DYNC2I1: variants seen among roughly 807,000 people sequenced by gnomAD.
The protein encoded by DYNC2I1 is dynein 2 intermediate chain 1.
A neutral mutation model predicts 133.4 loss-of-function variants in DYNC2I1; 89 were observed. That is an observed-to-expected ratio of 0.67 (90% CI 0.56 to 0.80). The LOEUF (loss-of-function observed/expected upper bound fraction) is 0.80. DYNC2I1 is among the 30% of genes least tolerant of loss of function. The probability of loss-of-function intolerance (pLI) is 0.00; values close to 1 mark genes in which losing one functional copy is unlikely to be tolerated. For synonymous variants in DYNC2I1, 504 were observed against 484.3 expected, an observed-to-expected ratio of 1.04 and a Z score of -0.54; for missense variants, 1,291 against 1,314.5, an observed-to-expected ratio of 0.98 and a Z score of 0.28.
the DYNC2I1 span, among the ~76,000 whole-genome samples, chr7:158,845,381 A>G: frequency 6.6e-6 from 1 of 152,200 alleles, no homozygotes; most frequent in Non-Finnish European, 1.5e-5. Flanking sequence ...TGGCTTTAAA[A>G]TTATTGGTAA....
Position 158,911,682 on chromosome 7 carries a change from A to G in DYNC2I1, c.1590+3A>G. On this transcript the variant is annotated splice_donor_region_variant and intron_variant, in intron 12 of 24. Coordinates refer to ENST00000407559, the MANE Select transcript of DYNC2I1 (RefSeq NM_018051.5). ...TTGGGAAAAAAAATACCAAGCAGGT[A>G]AGTATGAGATGTGTTAACTAAGTGA... 1 of 1,609,330 alleles carries G rather than the reference A, an allele frequency of 6.2e-7. No individual in the cohort carries two copies. The highest frequency in any genetic ancestry group is 8.5e-7 in the Non-Finnish European group (1 of 1,178,490).
intron 8 of DYNC2I1, among the ~76,000 whole-genome samples, chr7:158,895,947 C>T (rs925878320): frequency 2.0e-5 from 3 of 152,108 alleles, no homozygotes; most frequent in South Asian, 2.1e-4. Context: ...TATAGGAAAG[C>T]GACTGACTTT....
At chr7:158,949,288 A>G (rs1278035589), downstream of DYNC2I1, among the ~76,000 whole-genome samples, 1 of 152,288 alleles carries the variant, frequency 6.6e-6, no homozygotes, top group African/African-American at 2.4e-5. Context: ...ATGCGGAAGT[A>G]GGCTTTTTAA....
At position 158,913,123 on chromosome 7, in the gene DYNC2I1, C is replaced by T. The variant is rs747817365; in HGVS notation, c.1702+27C>T. 1.3e-5 allele frequency: 20 copies of T among 1,482,092 alleles called. No individual in the cohort carries two copies. The Admixed American group carries it at 3.8e-4, about 28-fold the overall frequency. The allele number at this position is 1,482,092 out of a possible 1,614,324, so 91.8% of individuals were successfully genotyped here. A position where few individuals can be genotyped will look rare whatever the true frequency, so the allele number is the denominator to read the frequency against. On this transcript the variant is annotated intron_variant, in intron 13 of 24. Coordinates refer to ENST00000407559, the MANE Select transcript of DYNC2I1 (RefSeq NM_018051.5). ...TAACATCTTGCTCTTGAGTGTTGAC[C>T]ATTGACTCTCTTTACATTCTTTTTT...
At chr7:158,865,670 C>A (rs1389422104) in intron 1 of DYNC2I1, among the ~76,000 whole-genome samples, 2 of 152,164 alleles carry the variant, frequency 1.3e-5, no homozygotes, top group African/African-American at 4.8e-5. Context: ...GGGGTTTGTT[C>A]CACTCCTGGG....
chr7:158,840,288 C>T, the DYNC2I1 span, among the ~76,000 whole-genome samples: 2 of 151,942 alleles, frequency 1.3e-5, no homozygotes, highest in Admixed American at 1.3e-4. Context: ...TGGTTTTGGC[C>T]GGGCTTGGTG....
chr7:158,857,288 T>C (rs1411335504), intron 1 of DYNC2I1, among the ~76,000 whole-genome samples: 1 of 152,038 alleles, frequency 6.6e-6, no homozygotes, highest in Non-Finnish European at 1.5e-5. Context: ...CATTATAGGG[T>C]GTTTAAGAAG....
intron 5 of DYNC2I1, among the ~76,000 whole-genome samples, chr7:158,880,354 T>G (rs1377342672): frequency 6.6e-6 from 1 of 152,082 alleles, no homozygotes; most frequent in Non-Finnish European, 1.5e-5. Flanking sequence ...CTGACCAACA[T>G]GGTGAAACCC....
Position 158,869,901 on chromosome 7 carries a change from ATC to A in DYNC2I1, c.66_67del (p.Trp23GlyfsTer20). The A allele has an allele frequency of 6.2e-7, 1 of 1,613,470 alleles. No individual in the cohort carries two copies. The highest frequency in any genetic ancestry group is 8.5e-7 in the Non-Finnish European group (1 of 1,179,484). ...TGGAAAGCAGATGACCTCAGAAAAC[ATC>A]TCTGGGTAATTATTGTAAAGATTTG... On this transcript the variant is annotated frameshift_variant, in exon 2 of 25. Coordinates refer to ENST00000407559, the MANE Select transcript of DYNC2I1 (RefSeq NM_018051.5). LOFTEE classifies it high-confidence loss of function.
In DYNC2I1 at chr7:158,912,984, G is replaced by A. The variant is rs752849120; in HGVS notation, c.1591-1G>A. On this transcript the variant is annotated splice_acceptor_variant, in intron 12 of 24. Coordinates refer to ENST00000407559, the MANE Select transcript of DYNC2I1 (RefSeq NM_018051.5). LOFTEE classifies it high-confidence loss of function. ...AATTTTGGCATATTTTTGTTTTTAA[G>A]GCATATGTTCAGTGTAACGAAGATA... The A allele has an allele frequency of 5.6e-6, 9 of 1,596,632 alleles. No homozygotes were observed. The highest frequency in any genetic ancestry group is 2.3e-5 in the South Asian group (2 of 87,146).
At chr7:158,940,694 C>G (rs1320202091) in intron 23 of DYNC2I1, among the ~76,000 whole-genome samples, 1 of 152,136 alleles carries the variant, frequency 6.6e-6, no homozygotes, top group Admixed American at 6.5e-5. Flanking sequence ...TTGGAAAATA[C>G]ACAAACACAT....
rs61137554 is a variant in DYNC2I1 at position 158,927,310 on chromosome 7, G to A, written c.2485+267G>A. 5.7e-3 allele frequency among the ~76,000 whole-genome samples: 874 copies of A among 152,004 alleles called. 57 individuals are homozygous for A. In the East Asian group the frequency reaches 0.13, roughly 22 times the overall value. On this transcript the variant is annotated intron_variant, in intron 20 of 24. Coordinates refer to ENST00000407559, the MANE Select transcript of DYNC2I1 (RefSeq NM_018051.5). ...CCCAACTGCTTGGGAGGCTAAGGTG[G>A]GAGGATTGCTTGAGCCTAGGAGTTT...
In DYNC2I1 at chr7:158,902,373, C is replaced by G; in HGVS notation, c.1138-3C>G. 2 of 1,608,966 alleles carry G rather than the reference C, an allele frequency of 1.2e-6. No individual in the cohort carries two copies. Among genetic ancestry groups the G allele is most frequent in the Non-Finnish European group, 1.7e-6 (2 of 1,178,526 alleles). On this transcript the variant is annotated splice_region_variant and splice_polypyrimidine_tract_variant and intron_variant, in intron 9 of 24. Transcript: ENST00000407559. ...GGTTCCAAAAGATTATTATTGTTTG[C>G]AGGACTATGAAGATGACTTTGAGGT... is the stretch of plus-strand genomic sequence containing the variant.
At chr7:158,884,370 A>G (rs1327370130) in intron 5 of DYNC2I1, among the ~76,000 whole-genome samples, 194 bp from the exon 6 acceptor site, 1 of 152,190 alleles carries the variant, frequency 6.6e-6, no homozygotes, top group Non-Finnish European at 1.5e-5. Context: ...ATATACTTTT[A>G]TCCATTTTCT....
intron 23 of DYNC2I1, 54 bp from the exon 24 acceptor site, chr7:158,941,871 T>C (rs1468737876): frequency 7.8e-6 from 12 of 1,537,492 alleles, no homozygotes; most frequent in Non-Finnish European, 1.1e-5. Flanking sequence ...AGTGAGACCC[T>C]GTCTCAAAAA....
At chr7:158,935,117 T>C (rs1015044409) in intron 23 of DYNC2I1, among the ~76,000 whole-genome samples, 1 of 152,266 alleles carries the variant, frequency 6.6e-6, no homozygotes, top group African/African-American at 2.4e-5. Flanking sequence ...TTTTTGCCTG[T>C]GTTCTTTTAC....
At chr7:158,844,812 G>C in the DYNC2I1 span, among the ~76,000 whole-genome samples, 1 of 151,998 alleles carries the variant, frequency 6.6e-6, no homozygotes, top group African/African-American at 2.4e-5. Flanking sequence ...GTGGAGATGG[G>C]GTTTCTCCAT....
rs777692341 is a variant in DYNC2I1, at chr7:158,871,228, TAAG to T, written c.157_159del (p.Lys53del). 3 of 1,612,970 alleles carry T rather than the reference TAAG, an allele frequency of 1.9e-6. No individual in the cohort carries two copies. Among genetic ancestry groups the T allele is most frequent in the Non-Finnish European group, 2.5e-6 (3 of 1,179,546 alleles). On this transcript the variant is annotated inframe_deletion, in exon 3 of 25. Coordinates refer to ENST00000407559, the MANE Select transcript of DYNC2I1 (RefSeq NM_018051.5). ...AGTCTGAGATGGACCTTCCTGAACA[TAAG>T]GAGCCGAGGTGCAGGGATCCCGACC...
At position 158,923,575 on chromosome 7, in the gene DYNC2I1, C is replaced by T. The variant is rs373182254; in HGVS notation, c.2099C>T (p.Thr700Met). 24 of 1,613,912 alleles carry T rather than the reference C, an allele frequency of 1.5e-5. No homozygotes were observed. The highest frequency in any genetic ancestry group is 1.5e-4 in the African/African-American group (11 of 74,936). ...QKVLICESQV[T>M]CCCLSPLKAF... ...TTCTGTGCCTTTGTCTTTTAGGTCA[C>T]GTGTTGCTGCTTGAGCCCTTTGAAA... Residue 700 changes from threonine to methionine, a missense_variant, in exon 17 of 25, where the codon ACG (threonine) becomes ATG (methionine). Physicochemically the swap from Thr to Met is moderately conservative, Grantham distance 81. Transcript: ENST00000407559.
Sources: allele counts gnomAD v4.1 joint callset (sites outside exome capture counted in the v4.1 genomes callset), GRCh38; gene constraint gnomAD v4.1.1; transcripts MANE v1.5; gene names NCBI Gene and HGNC (gene_info 2026-07-23, HGNC 2026-07-21).